Variants in KIAA1671 observed in about 807,000 individuals in gnomAD.
KIAA1671 encodes the protein uncharacterized protein KIAA1671.
A neutral mutation model predicts 131.2 loss-of-function variants in KIAA1671; 52 were observed. The ratio of observed to expected loss-of-function variants is 0.40; its 90% CI spans 0.32 to 0.50. The LOEUF (loss-of-function observed/expected upper bound fraction) is 0.50. Ranked by LOEUF, KIAA1671 falls within the 20% of genes least tolerant of loss-of-function variation. KIAA1671 has a pLI of 0.73. For synonymous variants in KIAA1671, 1,003 were observed against 961.6 expected (o/e 1.04, Z -0.80); for missense variants, 2,360 against 2,364.2 (o/e 1.00, Z 0.04).
rs540108331 is a variant in KIAA1671, at chr22:25,171,654, G to A, written c.4649+716G>A. Among the ~76,000 whole-genome samples the A allele has an allele frequency of 8.8e-4, 134 of 152,204 alleles. 1 individual carries two copies. Among genetic ancestry groups the A allele is most frequent in the African/African-American group, 3.2e-3 (132 of 41,532 alleles). ...CACTTGAACCCGGGAGGTGGAGGCTGCAGTAAGCCAAGATTGCGCCAATGC... is the reference window on the plus strand; with the variant it reads ...CACTTGAACCCGGGAGGTGGAGGCTACAGTAAGCCAAGATTGCGCCAATGC... On this transcript the variant is annotated intron_variant, in intron 7 of 12. Coordinates refer to ENST00000358431, the MANE Select transcript of KIAA1671 (RefSeq NM_001145206.2).
chr22:25,040,799 G>T lies in KIAA1671; in HGVS notation c.3669G>T (p.Arg1223Ser). 3 of 1,551,780 alleles carry T rather than the reference G, an allele frequency of 1.9e-6. No individual in the cohort carries two copies. Among genetic ancestry groups the T allele is most frequent in the Middle Eastern group, 1.7e-4 (1 of 5,992 alleles). Residue 1223 changes from arginine to serine, a missense_variant, in exon 5 of 13, where the codon AGG becomes AGT. Transcript: ENST00000358431. ...TCCCTGGGGAGGCTCAGGAGAGGAG[G>T]AGTCCCACCGTGGAGCCCAGTACGT... ...LKVPGEAQER[R>S]SPTVEPSTLP... is the part of the protein sequence containing the mutation.
intron 8 of KIAA1671, chr22:25,176,543 C>T (rs990634977): frequency 7.2e-5 from 11 of 152,248 alleles, no homozygotes; most frequent in African/African-American, 2.4e-4. Flanking sequence ...CTGTTTATCT[C>T]CTTTTTATAA....
At chr22:25,046,931 A>G (rs1189531511) in intron 5 of KIAA1671, among the ~76,000 whole-genome samples, 12 of 145,682 alleles carry the variant, frequency 8.2e-5, no homozygotes, top group Middle Eastern at 3.7e-3. Context: ...GAACCCACAG[A>G]TTTTCCACCT....
intron 1 of KIAA1671, among the ~76,000 whole-genome samples, chr22:25,018,019 A>ACCT (rs369856501): frequency 0.018 from 2,628 of 144,782 alleles, 75 homozygotes; most frequent in African/African-American, 0.062. Flanking sequence ...GCTGACACCA[A>ACCT]CCTCCTCCTC....
intron 6 of KIAA1671, among the ~76,000 whole-genome samples, chr22:25,152,487 C>G (rs567015668): frequency 6.6e-6 from 1 of 152,330 alleles, no homozygotes; most frequent in South Asian, 2.1e-4. Context: ...GGAACATACA[C>G]TGACTAGTTG....
chr22:24,985,548 C>T (rs544945945), intron 1 of KIAA1671, among the ~76,000 whole-genome samples: 1 of 152,256 alleles, frequency 6.6e-6, no homozygotes, highest in South Asian at 2.1e-4. Context: ...ACCGGGTTAG[C>T]CAGGATGGTC....
At chr22:25,099,673 C>G (rs750355991) in intron 6 of KIAA1671, among the ~76,000 whole-genome samples, 13 of 150,106 alleles carry the variant, frequency 8.7e-5, no homozygotes, top group Admixed American at 3.4e-4. Context: ...CGCCACCATA[C>G]CTGGCTAATT....
chr22:24,996,979 G>A (rs1012167856), intron 1 of KIAA1671, among the ~76,000 whole-genome samples: 3 of 152,176 alleles, frequency 2.0e-5, no homozygotes, highest in African/African-American at 4.8e-5. Context: ...TCTCGGGGCC[G>A]AATTTTACCT....
intron 6 of KIAA1671, among the ~76,000 whole-genome samples, chr22:25,138,391 G>T (rs576746278): frequency 6.6e-6 from 1 of 152,202 alleles, no homozygotes; most frequent in South Asian, 2.1e-4. Context: ...ACCAAGAGGG[G>T]TATATAATCC....
At chr22:24,965,968 T>C (rs541293341) in intron 1 of KIAA1671, among the ~76,000 whole-genome samples, 2 of 152,300 alleles carry the variant, frequency 1.3e-5, no homozygotes, top group East Asian at 3.9e-4. Flanking sequence ...AGGATCCTCA[T>C]AACAACCTAT....
rs562180639 is a variant in KIAA1671, at chr22:25,110,373, C to T, written c.4531-60447C>T. 2.6e-5 allele frequency among the ~76,000 whole-genome samples: 4 copies of T among 152,174 alleles called. No homozygotes were observed. The South Asian group carries it at 8.3e-4, about 32-fold the overall frequency. ...GGGTTTCAATTGTGTACTTGGTGTC[C>T]GAACAATAAATATTTACAGAGCCCT... On this transcript the variant is annotated intron_variant, in intron 6 of 12. Coordinates refer to ENST00000358431, the MANE Select transcript of KIAA1671 (RefSeq NM_001145206.2).
intron 6 of KIAA1671, among the ~76,000 whole-genome samples, chr22:25,156,593 C>T (rs1319512121): frequency 1.3e-5 from 2 of 151,772 alleles, no homozygotes; most frequent in African/African-American, 2.4e-5. Context: ...ATGTGTGCAT[C>T]TGCATGTGTT....
rs1925916362 is a variant in KIAA1671 at position 25,025,783 on chromosome 22, G to C, written c.-57G>C. 1 of 152,228 alleles carries C rather than the reference G, an allele frequency of 6.6e-6. No homozygotes were observed. Among genetic ancestry groups the C allele is most frequent in the African/African-American group, 2.4e-5 (1 of 41,434 alleles). The allele number at this position is 152,228 out of a possible 1,614,324, so 9.4% of individuals were successfully genotyped here. A position where few individuals can be genotyped will look rare whatever the true frequency, so the allele number is the denominator to read the frequency against. On this transcript the variant is annotated splice_region_variant and 5_prime_UTR_variant, in exon 2 of 13. Coordinates refer to ENST00000358431, the MANE Select transcript of KIAA1671 (RefSeq NM_001145206.2). ...CCCCTGACCCAGGGCCTGCCAGCTT[G>C]GGTAAGTGGGGCCCATGCTTGACCC...
At chr22:25,092,660 G>C (rs1190005081) in intron 6 of KIAA1671, among the ~76,000 whole-genome samples, 1 of 152,144 alleles carries the variant, frequency 6.6e-6, no homozygotes, top group South Asian at 2.1e-4. Context: ...AAGTGATCGG[G>C]TTCAGGCTGT....
intron 6 of KIAA1671, among the ~76,000 whole-genome samples, chr22:25,068,432 GTTTTTTTGTTGTTTT>G (rs1273427340): frequency 6.6e-6 from 1 of 151,464 alleles, no homozygotes; most frequent in East Asian, 1.9e-4. Context: ...CTTGTTTTTT[GTTTTTTTGTTGTTTT>G]TTTTTTTGAG....
intron 6 of KIAA1671, among the ~76,000 whole-genome samples, chr22:25,132,795 C>T (rs1165467937): frequency 6.6e-6 from 1 of 152,168 alleles, no homozygotes; most frequent in Non-Finnish European, 1.5e-5. Flanking sequence ...ATACCAACGC[C>T]TGTAATCCCA....
intron 6 of KIAA1671, among the ~76,000 whole-genome samples, chr22:25,155,808 G>A (rs951097832): frequency 1.3e-5 from 2 of 151,402 alleles, no homozygotes; most frequent in African/African-American, 2.4e-5. Flanking sequence ...GTATATATGT[G>A]TGTTTATGTA....
At chr22:25,104,464 G>A (rs1228161598) in intron 6 of KIAA1671, among the ~76,000 whole-genome samples, 1 of 152,174 alleles carries the variant, frequency 6.6e-6, no homozygotes, top group Non-Finnish European at 1.5e-5. Context: ...CTGTAGGCAG[G>A]GATGCCACAT....
intron 6 of KIAA1671, among the ~76,000 whole-genome samples, chr22:25,084,071 G>A (rs1929560638): frequency 1.3e-5 from 2 of 152,268 alleles, no homozygotes. Flanking sequence ...AGTCTGCAGA[G>A]TCTCCCAGCC....
Sources: gnomAD v4.1 joint callset for allele counts (sites outside exome capture counted in the v4.1 genomes callset) on GRCh38, gnomAD v4.1.1 for gene constraint, MANE v1.5 for transcripts, NCBI Gene and HGNC (gene_info 2026-07-23, HGNC 2026-07-21) for gene names.